Variants in PELO observed in about 807,000 individuals in gnomAD.
PELO encodes pelota mRNA surveillance and ribosome rescue factor.
Under a neutral mutation model 25.9 loss-of-function variants are expected in PELO, and 19 were observed. The ratio of observed to expected loss-of-function variants is 0.73; its 90% CI spans 0.51 to 1.08. PELO has a LOEUF of 1.08. Ranked by LOEUF, PELO falls within the 50% of genes least tolerant of loss-of-function variation. The pLI, the probability that PELO is intolerant of heterozygous loss-of-function variation, is 0.00. For missense variants in PELO, 498 were observed against 491.4 expected (o/e 1.01, Z -0.13); for synonymous variants, 196 against 192.2 (o/e 1.02, Z -0.16).
chr5:52,790,427 A>G (rs1410348190), intron 1 of PELO, among the ~76,000 whole-genome samples: 1 of 152,206 alleles, frequency 6.6e-6, no homozygotes, highest in Non-Finnish European at 1.5e-5. Context: ...ACTATTGTAC[A>G]GTTCTGTAGG....
chr5:52,800,984 T>TA lies in PELO; in HGVS notation c.591dup (p.His198ThrfsTer3). Reference sequence around the variant, plus strand: ...GTGGTCCAGGCTATCCAGCGCCACATACACTTTGATGTTGTAAAGTGCATC... The same window carrying TA: ...GTGGTCCAGGCTATCCAGCGCCACATAACACTTTGATGTTGTAAAGTGCATC... On this transcript the variant is annotated frameshift_variant, in exon 2 of 3. Transcript: ENST00000274311. LOFTEE classifies it high-confidence loss of function. 1 of 1,614,180 alleles carries TA rather than the reference T, an allele frequency of 6.2e-7. No individual in the cohort carries two copies. Among genetic ancestry groups the TA allele is most frequent in the Non-Finnish European group, 8.5e-7 (1 of 1,180,034 alleles).
In PELO at chr5:52,800,419, G is replaced by C. The variant is rs1300080098; in HGVS notation, c.25G>C (p.Glu9Gln). The C allele has an allele frequency of 6.2e-6, 10 of 1,613,982 alleles. No individual in the cohort carries two copies. Among genetic ancestry groups the C allele is most frequent in the East Asian group, 2.2e-5 (1 of 44,880 alleles). The change falls in exon 2 of 3, where the codon GAG (glutamate) becomes CAG (glutamine). Residue 9 changes from glutamate to glutamine, a missense_variant. Coordinates refer to ENST00000274311, the MANE Select transcript of PELO (RefSeq NM_015946.5). The part of the protein sequence containing the change: MKLVRKNI[E>Q]KDNAGQVTLV... ...CATGAAGCTCGTGAGGAAGAACATC[G>C]AGAAGGACAATGCGGGCCAGGTGAC...
At chr5:52,789,989 T>C (rs1437568470) in intron 1 of PELO, among the ~76,000 whole-genome samples, 1 of 152,240 alleles carries the variant, frequency 6.6e-6, no homozygotes, top group Non-Finnish European at 1.5e-5. Flanking sequence ...GTGTGCACTA[T>C]ATTTATGCCC....
intron 1 of PELO, among the ~76,000 whole-genome samples, chr5:52,795,290 G>C (rs1748319250): frequency 6.6e-6 from 1 of 151,906 alleles, no homozygotes; most frequent in Admixed American, 6.6e-5. Context: ...AATGGTGGGA[G>C]AGGCTCCCAA....
At position 52,788,228 on chromosome 5, in the gene PELO, G is replaced by A. The variant is rs759514428; in HGVS notation, c.-697G>A. ...TCCTCTCCCGCTCCTGGGCGCCGCT[G>A]CCACTGGGGCAGAGGACTGGGAACC... On this transcript the variant is annotated 5_prime_UTR_variant, in exon 1 of 3. Coordinates refer to ENST00000274311, the MANE Select transcript of PELO (RefSeq NM_015946.5). 6.4e-6 allele frequency: 4 copies of A among 627,092 alleles called. No individual in the cohort carries two copies. Among genetic ancestry groups the A allele is most frequent in the South Asian group, 2.5e-5 (1 of 39,576 alleles). The allele number at this position is 627,092 out of a possible 1,614,324, so 38.8% of individuals were successfully genotyped here.
chr5:52,803,985 A>G lies in PELO; in HGVS notation c.*2145A>G, dbSNP rs980182301. 1 of 152,138 alleles carries G rather than the reference A, an allele frequency of 6.6e-6. No individual in the cohort carries two copies. 9.4% of individuals were successfully genotyped at this position (152,138 alleles called of 1,614,324 possible). On this transcript the variant is annotated 3_prime_UTR_variant, in exon 3 of 3. Transcript: ENST00000274311. ...CTCAACTGTCTATAAAACCTCTATAAATTTCTGTTTTTATGTCTATGAATT... is the reference window on the plus strand; with the variant it reads ...CTCAACTGTCTATAAAACCTCTATAGATTTCTGTTTTTATGTCTATGAATT...
chr5:52,793,956 G>A (rs1748290564), intron 1 of PELO, among the ~76,000 whole-genome samples: 2 of 151,980 alleles, frequency 1.3e-5, no homozygotes, highest in South Asian at 4.1e-4. Context: ...TATATAGGAA[G>A]AAGACTAATT....
In PELO at chr5:52,800,000, A is replaced by G. The variant is rs1463278871; in HGVS notation, c.-395A>G. On this transcript the variant is annotated 5_prime_UTR_variant, in exon 2 of 3. Coordinates refer to ENST00000274311, the MANE Select transcript of PELO (RefSeq NM_015946.5). ...ATTCGTCCGGAGCGCCTCACAGCTT[A>G]GTGCGCCTGCGCACGCGCGAACTGC... 2 of 273,346 alleles carry G rather than the reference A, an allele frequency of 7.3e-6. No homozygotes were observed. The highest frequency in any genetic ancestry group is 7.1e-6 in the Non-Finnish European group (1 of 140,212). The allele number at this position is 273,346 out of a possible 1,614,324, so 16.9% of individuals were successfully genotyped here. A position where few individuals can be genotyped will look rare whatever the true frequency, so the allele number is the denominator to read the frequency against.
At chr5:52,791,880 T>A (rs1561208734) in intron 1 of PELO, among the ~76,000 whole-genome samples, 1 of 152,222 alleles carries the variant, frequency 6.6e-6, no homozygotes, top group East Asian at 1.9e-4. Flanking sequence ...GAAGAACTAA[T>A]GACAAATCTA....
rs16880266 is a variant in PELO at position 52,790,931 on chromosome 5, G to A, written c.-511+2517G>A. Among the ~76,000 whole-genome samples, 2,214 of 152,178 alleles carry A rather than the reference G, an allele frequency of 0.015. 125 individuals carry two copies. In the East Asian group the frequency reaches 0.21, roughly 15 times the overall value. The stretch of plus-strand genomic sequence containing the variant: ...ATTTTGCCACTGAAGATATGACCTT[G>A]TTTTATACATCGAGAAAAGAATTCC... On this transcript the variant is annotated intron_variant, in intron 1 of 2. Transcript: ENST00000274311.
chr5:52,789,417 T>C (rs1456214814), intron 1 of PELO, among the ~76,000 whole-genome samples: 2 of 152,208 alleles, frequency 1.3e-5, no homozygotes, highest in Non-Finnish European at 2.9e-5. Flanking sequence ...TTTTTACCAC[T>C]AAAAACAGGG....
chr5:52,803,185 A>G lies in PELO; in HGVS notation c.*1345A>G, dbSNP rs1016051479. 6.6e-6 allele frequency: 1 copy of G among 152,018 alleles called. No individual in the cohort carries two copies. The highest frequency in any genetic ancestry group is 2.4e-5 in the African/African-American group (1 of 41,360). 9.4% of individuals were successfully genotyped at this position (152,018 alleles called of 1,614,324 possible). A position where few individuals can be genotyped will look rare whatever the true frequency, so the allele number is the denominator to read the frequency against. On this transcript the variant is annotated 3_prime_UTR_variant, in exon 3 of 3. Coordinates refer to ENST00000274311, the MANE Select transcript of PELO (RefSeq NM_015946.5). Reference sequence around the variant, plus strand: ...TGACAGACTTGGGGATTTCTTGTAAACTTCCTAACTAGTCTGAACCTTTTT... The same window carrying G: ...TGACAGACTTGGGGATTTCTTGTAAGCTTCCTAACTAGTCTGAACCTTTTT...
At chr5:52,789,023 C>G (rs765237744) in intron 1 of PELO, among the ~76,000 whole-genome samples, 2 of 152,170 alleles carry the variant, frequency 1.3e-5, no homozygotes, top group African/African-American at 2.4e-5. Context: ...GTAAATATCA[C>G]AGGGCAGTCT....
Position 52,801,480 on chromosome 5 carries a change from T to C in PELO, c.798T>C (p.Leu266=), listed in dbSNP as rs1748483412. The C allele has an allele frequency of 6.2e-7, 1 of 1,614,028 alleles. No homozygotes were observed. Among genetic ancestry groups the C allele is most frequent in the African/African-American group, 1.3e-5 (1 of 74,924 alleles). The change falls in exon 3 of 3, where the codon CTT becomes CTC. Residue 266 remains leucine, a synonymous_variant. Coordinates refer to ENST00000274311, the MANE Select transcript of PELO (RefSeq NM_015946.5). ...ALCDPTVASR[L]SDTKAAGEVK... ...GTGACCCTACTGTGGCTAGCCGCCT[T>C]TCAGACACTAAAGCTGCTGGGGAAG...
rs951778516 is a variant in PELO, at chr5:52,800,968, G to T, written c.574G>T (p.Ala192Ser). Reference sequence around the variant, plus strand: ...GCGGTTCTATGAACAGGTGGTCCAGGCTATCCAGCGCCACATACACTTTGA... The same window carrying T: ...GCGGTTCTATGAACAGGTGGTCCAGTCTATCCAGCGCCACATACACTTTGA... ...LERFYEQVVQAIQRHIHFDVV... is the reference protein window; with the variant it reads ...LERFYEQVVQSIQRHIHFDVV... Residue 192 changes from alanine (A) to serine (S), a missense_variant, in exon 2 of 3, where the codon GCT becomes TCT. By Grantham distance (99) the Ala-to-Ser change is moderately conservative. Transcript: ENST00000274311. 1 of 1,614,188 alleles carries T rather than the reference G, an allele frequency of 6.2e-7. No homozygotes were observed. Among genetic ancestry groups the T allele is most frequent in the African/African-American group, 1.3e-5 (1 of 75,044 alleles).
chr5:52,788,116 G>C lies in PELO; in HGVS notation c.-809G>C, dbSNP rs908703415. ...GTGAGATTTCAGAGACCAAGAGCGCGAAGGGGCGGGCGATGTGGCAATCCG... is the reference window on the plus strand; with the variant it reads ...GTGAGATTTCAGAGACCAAGAGCGCCAAGGGGCGGGCGATGTGGCAATCCG... On this transcript the variant is annotated 5_prime_UTR_variant, in exon 1 of 3. Transcript: ENST00000274311. 4.7e-6 allele frequency: 2 copies of C among 429,174 alleles called. No homozygotes were observed. The highest frequency in any genetic ancestry group is 8.9e-5 in the Admixed American group (2 of 22,366). The allele number at this position is 429,174 out of a possible 1,614,324, so 26.6% of individuals were successfully genotyped here.
chr5:52,791,841 TAAG>T (rs1748248635), intron 1 of PELO, among the ~76,000 whole-genome samples: 1 of 152,186 alleles, frequency 6.6e-6, no homozygotes, highest in African/African-American at 2.4e-5. Context: ...AATATAGTAT[TAAG>T]AAGTTAATTT....
rs983744897 is a variant in PELO, at chr5:52,788,252, C to A, written c.-673C>A. ...TGCCACTGGGGCAGAGGACTGGGAACCGCGGCAGCGGGATAAGTGGCCCAG... is the reference window on the plus strand; with the variant it reads ...TGCCACTGGGGCAGAGGACTGGGAAACGCGGCAGCGGGATAAGTGGCCCAG... On this transcript the variant is annotated 5_prime_UTR_variant, in exon 1 of 3. Coordinates refer to ENST00000274311, the MANE Select transcript of PELO (RefSeq NM_015946.5). 7 of 911,810 alleles carry A rather than the reference C, an allele frequency of 7.7e-6. No homozygotes were observed. Among genetic ancestry groups the A allele is most frequent in the South Asian group, 2.0e-5 (1 of 49,980 alleles). 56.5% of individuals were successfully genotyped at this position (911,810 alleles called of 1,614,324 possible).
chr5:52,793,461 TAAAA>T (rs1748280903), intron 1 of PELO, among the ~76,000 whole-genome samples: 1 of 151,212 alleles, frequency 6.6e-6, no homozygotes, highest in African/African-American at 2.4e-5. Context: ...TATGTACCAC[TAAAA>T]AAGACAAGCC....
Sources: allele counts gnomAD v4.1 joint callset (sites outside exome capture counted in the v4.1 genomes callset), GRCh38; gene constraint gnomAD v4.1.1; transcripts MANE v1.5; gene names NCBI Gene and HGNC (gene_info 2026-07-23, HGNC 2026-07-21).